KCNMA1: variants seen among roughly 807,000 people sequenced by gnomAD.
The protein encoded by KCNMA1 is potassium calcium-activated channel subfamily M alpha 1, also known as Calcium-activated potassium channel subunit alpha-1.
Under a neutral mutation model 140.0 loss-of-function variants are expected in KCNMA1, and 29 were observed. The ratio of observed to expected loss-of-function variants is 0.21; its 90% CI spans 0.15 to 0.28. The LOEUF is 0.28. Ranked by LOEUF, KCNMA1 falls within the 10% of genes least tolerant of loss-of-function variation. KCNMA1 has a pLI of 1.00. For missense variants in KCNMA1, 880 were observed against 1,602.2 expected (o/e 0.55, Z 7.70); for synonymous variants, 612 against 611.9 (o/e 1.00, Z 0.00).
intron 3 of KCNMA1, among the ~76,000 whole-genome samples, chr10:77,226,827 G>C (rs558216900): frequency 6.6e-6 from 1 of 152,266 alleles, no homozygotes; most frequent in South Asian, 2.1e-4. Context: ...ACATACTCCT[G>C]AGTGCACAAT....
chr10:77,317,072 C>T (rs1249727193), intron 2 of KCNMA1, among the ~76,000 whole-genome samples: 1 of 152,162 alleles, frequency 6.6e-6, no homozygotes, highest in African/African-American at 2.4e-5. Context: ...TTGCTCCTGA[C>T]TCTATCACAC....
intron 1 of KCNMA1, among the ~76,000 whole-genome samples, chr10:77,596,365 TAA>T (rs1332260299): frequency 6.6e-6 from 1 of 152,186 alleles, no homozygotes. Flanking sequence ...CATACATGCA[TAA>T]AAAGACTCAT....
At chr10:77,276,987 T>C (rs372813310) in intron 2 of KCNMA1, among the ~76,000 whole-genome samples, 258 of 152,274 alleles carry the variant, frequency 1.7e-3, no homozygotes, top group South Asian at 0.015. Context: ...CAATGTCCTG[T>C]AGCCAGTAAA....
chr10:77,165,188 C>A (rs1013483461), intron 5 of KCNMA1, among the ~76,000 whole-genome samples: 4 of 152,046 alleles, frequency 2.6e-5, no homozygotes, highest in African/African-American at 9.7e-5. Context: ...TTGGGACCCA[C>A]CCAACGGTAG....
At chr10:77,438,714 G>A (rs2097314542) in intron 1 of KCNMA1, among the ~76,000 whole-genome samples, 1 of 152,220 alleles carries the variant, frequency 6.6e-6, no homozygotes, top group Non-Finnish European at 1.5e-5. Context: ...AAAAGGGGCA[G>A]AGCCAGGATT....
intron 2 of KCNMA1, among the ~76,000 whole-genome samples, chr10:77,364,864 C>T (rs1013568904): frequency 1.3e-5 from 2 of 152,170 alleles, no homozygotes; most frequent in African/African-American, 4.8e-5. Flanking sequence ...TCTGATTAAA[C>T]AGAGTTTTTA....
At chr10:77,151,194 G>GTC (rs1022440570) in intron 5 of KCNMA1, among the ~76,000 whole-genome samples, 16 of 39,550 alleles carry the variant, frequency 4.0e-4, no homozygotes, top group Non-Finnish European at 6.1e-4. Context: ...TTCTTTCCCT[G>GTC]TCTCTCTCTC....
intron 23 of KCNMA1, among the ~76,000 whole-genome samples, chr10:76,944,024 C>T (rs1305797369): frequency 5.3e-5 from 8 of 152,178 alleles, no homozygotes; most frequent in Non-Finnish European, 2.9e-5. Context: ...TCATGGCTAG[C>T]CTACACGGAG....
In KCNMA1 at chr10:76,887,485, A is replaced by T. The variant is rs1331451428; in HGVS notation, c.3492T>A (p.Phe1164Leu). The T allele has an allele frequency of 6.2e-7, 1 of 1,614,148 alleles. No homozygotes were observed. The change falls in exon 28 of 28, where the codon TTT (phenylalanine) becomes TTA (leucine). Residue 1164 changes from phenylalanine (F) to leucine (L), a missense_variant. Phe to Leu is a conservative substitution (Grantham distance 22, BLOSUM62 0). Coordinates refer to ENST00000286628, the MANE Select transcript of KCNMA1 (RefSeq NM_001161352.2). ...RYVITNPPYE[F>L]ELVPTDLIFC... ...AGATCAGGTCCGTCGGCACGAGCTC[A>T]AACTCATAGGGCGGGTTGGTGATGA...
At chr10:77,098,533 C>T (rs1383184478) in intron 9 of KCNMA1, among the ~76,000 whole-genome samples, 1 of 151,544 alleles carries the variant, frequency 6.6e-6, no homozygotes, top group Non-Finnish European at 1.5e-5. Flanking sequence ...TGGGATCTTG[C>T]TCTTCAGTTT....
At chr10:76,913,952 C>G (rs903906925) in intron 24 of KCNMA1, 7 of 822,178 alleles carry the variant, frequency 8.5e-6, no homozygotes, top group South Asian at 3.3e-5. Flanking sequence ...CATGGGGTAG[C>G]CTTTCTGTTA....
At chr10:76,889,345 A>T (rs2038882433) in intron 27 of KCNMA1, 106 bp downstream of exon 27, 2 of 780,794 alleles carry the variant, frequency 2.6e-6, no homozygotes, top group Non-Finnish European at 4.5e-6. Flanking sequence ...AGTAATTTGC[A>T]TGTTGAGGAG....
At chr10:76,905,151 T>C (rs992055044) in intron 25 of KCNMA1, 1 of 152,224 alleles carries the variant, frequency 6.6e-6, no homozygotes, top group Non-Finnish European at 1.5e-5. Context: ...GTCTGTGGGG[T>C]AGATGTAGAC....
intron 23 of KCNMA1, among the ~76,000 whole-genome samples, chr10:76,934,875 C>T (rs921046813): frequency 2.6e-5 from 4 of 152,124 alleles, no homozygotes; most frequent in Non-Finnish European, 4.4e-5. Flanking sequence ...TCTGCTGTCA[C>T]GGAAACTTCC....
intron 2 of KCNMA1, among the ~76,000 whole-genome samples, chr10:77,272,489 T>C (rs2065434681): frequency 6.6e-6 from 1 of 152,202 alleles, no homozygotes; most frequent in African/African-American, 2.4e-5. Context: ...ATGTCTTGAA[T>C]GTACATCCCT....
intron 2 of KCNMA1, among the ~76,000 whole-genome samples, chr10:77,312,522 A>G (rs2079592871): frequency 6.6e-6 from 1 of 152,216 alleles, no homozygotes; most frequent in African/African-American, 2.4e-5. Context: ...GCTACTTGGG[A>G]GGCTGAGAGA....
At chr10:77,398,216 A>G (rs1432848612) in intron 2 of KCNMA1, among the ~76,000 whole-genome samples, 1 of 152,126 alleles carries the variant, frequency 6.6e-6, no homozygotes, top group Admixed American at 6.5e-5. Flanking sequence ...TCCTATGGGT[A>G]GCCACCAATT....
chr10:77,599,214 C>T (rs1341096401), intron 1 of KCNMA1, among the ~76,000 whole-genome samples: 7 of 152,212 alleles, frequency 4.6e-5, no homozygotes, highest in Non-Finnish European at 5.9e-5. Context: ...TGCAAAACCC[C>T]GCCCCACACG....
intron 2 of KCNMA1, among the ~76,000 whole-genome samples, chr10:77,285,912 C>T (rs74140106): frequency 0.11 from 16,724 of 152,168 alleles, 1,475 homozygotes; most frequent in African/African-American, 0.24. Context: ...TAGCACAGTG[C>T]CTCTGTAAAG....
Sources: gnomAD v4.1 joint callset for allele counts (sites outside exome capture counted in the v4.1 genomes callset) on GRCh38, gnomAD v4.1.1 for gene constraint, MANE v1.5 for transcripts, NCBI Gene and HGNC (gene_info 2026-07-23, HGNC 2026-07-21) for gene names.